The following ST6GALNAC5 variants were observed in gnomAD, a reference collection of about 807,000 sequenced individuals.
ST6GALNAC5 encodes alpha-N-acetylgalactosaminide alpha-2,6-sialyltransferase 5.
Under a neutral mutation model 33.6 loss-of-function variants are expected in ST6GALNAC5, and 27 were observed. The ratio of observed to expected loss-of-function variants is 0.80; its 90% CI spans 0.59 to 1.11. The LOEUF (loss-of-function observed/expected upper bound fraction) is 1.11. Ranked by LOEUF, ST6GALNAC5 falls within the 50% of genes least tolerant of loss-of-function variation. ST6GALNAC5 has a pLI of 0.00. For missense variants in ST6GALNAC5, 428 were observed against 454.0 expected (o/e 0.94, Z 0.52); for synonymous variants, 194 against 171.2 (o/e 1.13, Z -1.04).
At chr1:76,999,503 A>G (rs1218689657) in intron 2 of ST6GALNAC5, among the ~76,000 whole-genome samples, 5 of 148,396 alleles carry the variant, frequency 3.4e-5, no homozygotes, top group African/African-American at 1.0e-4. Flanking sequence ...TTTTTCAATT[A>G]TTATACTTTA....
At chr1:77,005,319 A>G (rs979391192) in intron 2 of ST6GALNAC5, among the ~76,000 whole-genome samples, 1 of 152,208 alleles carries the variant, frequency 6.6e-6, no homozygotes, top group East Asian at 1.9e-4. Context: ...GCGCTTCCCA[A>G]GTGAGGCAAT....
chr1:76,908,804 G>A (rs1255453920), intron 2 of ST6GALNAC5, among the ~76,000 whole-genome samples: 2 of 152,110 alleles, frequency 1.3e-5, no homozygotes, highest in Non-Finnish European at 2.9e-5. Flanking sequence ...ACCTGGCCCA[G>A]AGCAAGTACT....
intron 2 of ST6GALNAC5, among the ~76,000 whole-genome samples, chr1:76,950,939 C>T (rs1047169954): frequency 6.6e-6 from 1 of 151,790 alleles, no homozygotes; most frequent in African/African-American, 2.4e-5. Flanking sequence ...TCTCACGAAC[C>T]ACCTGTGATA....
At chr1:77,005,093 C>T (rs946186904) in intron 2 of ST6GALNAC5, among the ~76,000 whole-genome samples, 4 of 151,816 alleles carry the variant, frequency 2.6e-5, no homozygotes, top group Non-Finnish European at 4.4e-5. Flanking sequence ...CCCCCAGCCT[C>T]GCTGCCACCT....
At chr1:77,050,394 T>C in intron 4 of ST6GALNAC5, 29 bp downstream of exon 4, 1 of 1,592,676 alleles carries the variant, frequency 6.3e-7, no homozygotes, top group Non-Finnish European at 8.6e-7. Flanking sequence ...GTGTAAATCA[T>C]CAGCCGTGTT....
intron 2 of ST6GALNAC5, among the ~76,000 whole-genome samples, chr1:76,891,192 A>C (rs536153976): frequency 1.4e-4 from 21 of 152,194 alleles, no homozygotes; most frequent in Admixed American, 2.6e-4. Flanking sequence ...ACCATTTTAC[A>C]GTCCCACCAG....
chr1:76,915,675 G>A lies in ST6GALNAC5; in HGVS notation c.261+46933G>A, dbSNP rs1377921643. Among the ~76,000 whole-genome samples the A allele has an allele frequency of 1.4e-4, 19 of 140,586 alleles. No individual in the cohort carries two copies. In the East Asian group the frequency reaches 3.2e-3, roughly 23 times the overall value. The allele number at this position is 140,586 out of a possible 152,430, so 92.2% of individuals were successfully genotyped here. A position where few individuals can be genotyped will look rare whatever the true frequency, so the allele number is the denominator to read the frequency against. On this transcript the variant is annotated intron_variant, in intron 2 of 4. Transcript: ENST00000477717. ...ACATGGACACAGGAAGGGGAACATCGCACTCGGGGGACTGTTGTGGGGTGA... is the reference window on the plus strand; with the variant it reads ...ACATGGACACAGGAAGGGGAACATCACACTCGGGGGACTGTTGTGGGGTGA...
chr1:77,051,158 T>C (rs1048625457), intron 4 of ST6GALNAC5, among the ~76,000 whole-genome samples: 2 of 152,376 alleles, frequency 1.3e-5, no homozygotes, highest in Admixed American at 6.5e-5. Context: ...TGCTTACTTA[T>C]ACTATCTGGT....
At chr1:76,939,869 A>T (rs543855186) in intron 2 of ST6GALNAC5, among the ~76,000 whole-genome samples, 11 of 152,238 alleles carry the variant, frequency 7.2e-5, no homozygotes, top group African/African-American at 2.6e-4. Flanking sequence ...TTGAGTCACA[A>T]TGGCTGCCTC....
At chr1:76,872,089 A>G (rs1653519899) in intron 2 of ST6GALNAC5, among the ~76,000 whole-genome samples, 1 of 145,032 alleles carries the variant, frequency 6.9e-6, no homozygotes, top group East Asian at 1.9e-4. Flanking sequence ...ACACACACAC[A>G]CACACACACA....
At chr1:77,051,502 T>C (rs184062428) in intron 4 of ST6GALNAC5, among the ~76,000 whole-genome samples, 47 of 152,314 alleles carry the variant, frequency 3.1e-4, no homozygotes, top group Non-Finnish European at 6.3e-4. Context: ...AGTCACTTAG[T>C]GTCTCTAGGT....
In ST6GALNAC5 at chr1:77,050,378, C is replaced by CACT; in HGVS notation, c.779+13_779+14insACT. The CACT allele has an allele frequency of 6.2e-7, 1 of 1,609,360 alleles. No homozygotes were observed. On this transcript the variant is annotated intron_variant, in intron 4 of 4. Transcript: ENST00000477717. ...CAGACTTCTGCAGGTAGGATTTATT[C>CACT]TGCAAGTGTAAATCATCAGCCGTGT...
At chr1:77,035,682 C>T (rs1424913318) in intron 2 of ST6GALNAC5, among the ~76,000 whole-genome samples, 1 of 152,138 alleles carries the variant, frequency 6.6e-6, no homozygotes, top group Non-Finnish European at 1.5e-5. Flanking sequence ...AGATGTTCAT[C>T]ATTAGTCACT....
intron 2 of ST6GALNAC5, among the ~76,000 whole-genome samples, chr1:76,996,311 A>G (rs976545891): frequency 1.3e-5 from 2 of 152,228 alleles, no homozygotes; most frequent in Non-Finnish European, 2.9e-5. Flanking sequence ...CAGTGATCAC[A>G]TCTTGTCCCT....
chr1:77,028,676 A>T (rs933958043), intron 2 of ST6GALNAC5, among the ~76,000 whole-genome samples: 4 of 152,212 alleles, frequency 2.6e-5, no homozygotes, highest in Non-Finnish European at 5.9e-5. Flanking sequence ...GGGTTTGCTG[A>T]TAGCAGTGGA....
At chr1:76,999,486 T>G (rs74919902) in intron 2 of ST6GALNAC5, among the ~76,000 whole-genome samples, 30 of 140,080 alleles carry the variant, frequency 2.1e-4, no homozygotes, top group African/African-American at 7.9e-4. Flanking sequence ...TTTGGGTTTG[T>G]TTTTTTTTTT....
chr1:77,008,019 A>ATG (rs1197046612), intron 2 of ST6GALNAC5, among the ~76,000 whole-genome samples: 2 of 152,174 alleles, frequency 1.3e-5, no homozygotes, highest in African/African-American at 2.4e-5. Context: ...TATTATTATT[A>ATG]TGTGTGTTTA....
rs181695270 is a variant in ST6GALNAC5, at chr1:77,063,968, G to A, written c.*762G>A. ...ACTGCTCTTTTGTAAAAAGAATAGC[G>A]ATGACATTTTCTAATGTGCAGAAAT... On this transcript the variant is annotated 3_prime_UTR_variant, in exon 5 of 5. Transcript: ENST00000477717. 6 of 152,660 alleles carry A rather than the reference G, an allele frequency of 3.9e-5. No individual in the cohort carries two copies. Among genetic ancestry groups the A allele is most frequent in the East Asian group, 1.9e-4 (1 of 5,178 alleles). 9.5% of individuals were successfully genotyped at this position (152,660 alleles called of 1,614,324 possible). A position where few individuals can be genotyped will look rare whatever the true frequency, so the allele number is the denominator to read the frequency against.
At chr1:76,903,618 A>G (rs1264666743) in intron 2 of ST6GALNAC5, among the ~76,000 whole-genome samples, 2 of 152,216 alleles carry the variant, frequency 1.3e-5, no homozygotes, top group East Asian at 1.9e-4. Context: ...CATAACAATC[A>G]TAAGGTAGAA....
Sources: allele counts gnomAD v4.1 joint callset (sites outside exome capture counted in the v4.1 genomes callset), GRCh38; gene constraint gnomAD v4.1.1; transcripts MANE v1.5; gene names NCBI Gene and HGNC (gene_info 2026-07-23, HGNC 2026-07-21).